Variants in SLC4A1AP observed in about 807,000 individuals in gnomAD.
The protein encoded by SLC4A1AP is kanadaptin.
Under a neutral mutation model 89.7 loss-of-function variants are expected in SLC4A1AP, and 64 were observed. The ratio of observed to expected loss-of-function variants is 0.71; its 90% CI spans 0.58 to 0.88. The LOEUF is 0.88. Among genes scored for constraint, SLC4A1AP ranks in the 40% least tolerant of loss-of-function variants. The pLI is 0.00. For synonymous variants in SLC4A1AP, 366 were observed against 353.3 expected, an observed-to-expected ratio of 1.04 and a Z score of -0.40; for missense variants, 931 against 965.0, an observed-to-expected ratio of 0.96 and a Z score of 0.47.
At chr2:27,688,260 C>T (rs998100815) in intron 11 of SLC4A1AP, among the ~76,000 whole-genome samples, 2 of 152,202 alleles carry the variant, frequency 1.3e-5, no homozygotes, top group Non-Finnish European at 2.9e-5. Context: ...CACAAAGCAC[C>T]TAATGCCTTG....
chr2:27,664,997 C>A, intron 1 of SLC4A1AP, 103 bp from the exon 2 acceptor site: 1 of 823,448 alleles, frequency 1.2e-6, no homozygotes, highest in Non-Finnish European at 1.9e-6. Context: ...GTCAAGGCTG[C>A]AGTGAGGTGT....
At chr2:27,688,585 C>A in intron 11 of SLC4A1AP, 115 bp from the exon 12 acceptor site, 1 of 690,546 alleles carries the variant, frequency 1.4e-6, no homozygotes, top group Non-Finnish European at 2.5e-6. Context: ...TTGAGAATTG[C>A]ATTGTCATGA....
At chr2:27,668,211 C>T (rs192659836) in intron 3 of SLC4A1AP, among the ~76,000 whole-genome samples, 9 of 151,404 alleles carry the variant, frequency 5.9e-5, no homozygotes, top group Admixed American at 2.6e-4. Context: ...TGCAGTGGTG[C>T]GATCTCGCCT....
intron 8 of SLC4A1AP, among the ~76,000 whole-genome samples, chr2:27,679,732 G>C (rs766762537): frequency 6.6e-6 from 1 of 152,172 alleles, no homozygotes; most frequent in Non-Finnish European, 1.5e-5. Flanking sequence ...AGAACGGTGT[G>C]TATAACAGGC....
intron 3 of SLC4A1AP, among the ~76,000 whole-genome samples, 191 bp downstream of exon 3, chr2:27,667,581 GA>G (rs905958220): frequency 5.3e-5 from 8 of 151,942 alleles, no homozygotes; most frequent in South Asian, 4.1e-4. Flanking sequence ...TGGCAGAGGG[GA>G]AAAAAATCAT....
chr2:27,688,757 G>A, exon 12 of SLC4A1AP: 1 of 1,603,414 alleles, frequency 6.2e-7, no homozygotes, highest in Non-Finnish European at 8.5e-7. Context: ...AAAACACCTG[G>A]TCCAGGCAAA....
chr2:27,684,556 T>C (rs72852200), intron 9 of SLC4A1AP, among the ~76,000 whole-genome samples: 268 of 152,366 alleles, frequency 1.8e-3, no homozygotes, highest in African/African-American at 6.2e-3. Flanking sequence ...AGCTTTATTC[T>C]TTGAGAAATG....
At chr2:27,665,440 C>T in intron 2 of SLC4A1AP, 145 bp downstream of exon 2, 1 of 560,698 alleles carries the variant, frequency 1.8e-6, no homozygotes, top group Non-Finnish European at 3.0e-6. Flanking sequence ...GTAACCAAAA[C>T]CCAGAGAGAT....
At chr2:27,668,135 G>A (rs527647631) in intron 3 of SLC4A1AP, among the ~76,000 whole-genome samples, 108 of 151,754 alleles carry the variant, frequency 7.1e-4, no homozygotes, top group Middle Eastern at 3.4e-3. Context: ...ATTATTCAGT[G>A]TGGTATGGGA....
chr2:27,676,876 C>A (rs1435278008), intron 6 of SLC4A1AP, among the ~76,000 whole-genome samples: 3 of 151,334 alleles, frequency 2.0e-5, no homozygotes, highest in African/African-American at 7.3e-5. Context: ...TGTGGTGGCT[C>A]ACACCTGTAA....
intron 7 of SLC4A1AP, 152 bp from the exon 8 acceptor site, chr2:27,677,586 A>G (rs1012710087): frequency 1.2e-5 from 8 of 688,936 alleles, no homozygotes; most frequent in African/African-American, 9.1e-5. Context: ...TGACTTCCCA[A>G]GGTCTCATGG....
chr2:27,666,088 T>G (rs924821509), intron 2 of SLC4A1AP, among the ~76,000 whole-genome samples: 1 of 152,146 alleles, frequency 6.6e-6, no homozygotes, highest in Non-Finnish European at 1.5e-5. Flanking sequence ...TTCAAAGACT[T>G]AGTCTGAAAA....
At chr2:27,679,927 CAGG>C (rs1675592254) in intron 8 of SLC4A1AP, among the ~76,000 whole-genome samples, 1 of 152,070 alleles carries the variant, frequency 6.6e-6, no homozygotes, top group Admixed American at 6.6e-5. Flanking sequence ...CAGGAGAGGG[CAGG>C]AGAAGAAGCT....
chr2:27,671,722 CT>C (rs1202844450), intron 5 of SLC4A1AP, among the ~76,000 whole-genome samples: 1 of 152,152 alleles, frequency 6.6e-6, no homozygotes, highest in Non-Finnish European at 1.5e-5. Flanking sequence ...GTAGTACATC[CT>C]TCTGTACTTT....
At chr2:27,693,516 G>T (rs1361241473) in intron 12 of SLC4A1AP, 169 bp from the exon 13 acceptor site, 4 of 579,706 alleles carry the variant, frequency 6.9e-6, no homozygotes, top group Admixed American at 3.4e-5. Context: ...GTCTGAAAAA[G>T]ACTTTATTTC....
intron 10 of SLC4A1AP, 91 bp downstream of exon 10, chr2:27,685,368 T>C: frequency 6.7e-7 from 1 of 1,497,102 alleles, no homozygotes. Context: ...TTCTTGTCTG[T>C]GCATTTGACT....
chr2:27,684,205 T>C (rs1675667307), intron 9 of SLC4A1AP, among the ~76,000 whole-genome samples: 1 of 152,084 alleles, frequency 6.6e-6, no homozygotes, highest in Non-Finnish European at 1.5e-5. Context: ...GGTGGGTGGA[T>C]TGCTTGAGCT....
At chr2:27,665,030 C>A in intron 1 of SLC4A1AP, 70 bp from the exon 2 acceptor site, 1 of 1,315,482 alleles carries the variant, frequency 7.6e-7, no homozygotes, top group South Asian at 1.4e-5. Context: ...GCACTCCAGT[C>A]CAGCCTAGGC....
exon 3 of SLC4A1AP, chr2:27,667,335 G>A: frequency 1.2e-6 from 2 of 1,613,580 alleles, no homozygotes; most frequent in African/African-American, 2.7e-5. Flanking sequence ...AGGAAAGGGA[G>A]GCCTTTTATA....
Sources: gnomAD v4.1 joint callset for allele counts (sites outside exome capture counted in the v4.1 genomes callset) on GRCh38, gnomAD v4.1.1 for gene constraint, MANE v1.5 for transcripts, NCBI Gene and HGNC (gene_info 2026-07-23, HGNC 2026-07-21) for gene names.